Variants in PLCE1 observed in about 807,000 individuals in gnomAD.
PLCE1 encodes the protein phospholipase C epsilon 1.
In PLCE1, 119 loss-of-function variants were observed where a neutral mutation model predicts 242.8. The observed-to-expected ratio is 0.49, with a 90% confidence interval of 0.42 to 0.57. PLCE1 has a LOEUF of 0.57. Among genes scored for constraint, PLCE1 ranks in the 20% least tolerant of loss-of-function variants. PLCE1 has a pLI of 0.00. For synonymous variants in PLCE1, 945 were observed against 1,017.4 expected, an observed-to-expected ratio of 0.93 and a Z score of 1.35; for missense variants, 2,441 against 2,788.8, an observed-to-expected ratio of 0.88 and a Z score of 2.81.
chr10:94,128,012 T>C (rs1354844520), intron 2 of PLCE1, among the ~76,000 whole-genome samples: 1 of 142,912 alleles, frequency 7.0e-6, no homozygotes, highest in East Asian at 2.0e-4. Context: ...TTTTTGAGAC[T>C]GAGTCTCACT....
intron 3 of PLCE1, among the ~76,000 whole-genome samples, chr10:94,141,715 G>C (rs1275046064): frequency 7.1e-6 from 1 of 140,630 alleles, no homozygotes; most frequent in Non-Finnish European, 1.5e-5. Context: ...GGGAGGGAGG[G>C]AGGGGAAGGA....
chr10:94,031,975 TAGA>T lies in PLCE1; in HGVS notation c.936_938del (p.Glu312del). 1 of 1,613,786 alleles carries T rather than the reference TAGA, an allele frequency of 6.2e-7. No individual in the cohort carries two copies. The highest frequency in any genetic ancestry group is 8.5e-7 in the Non-Finnish European group (1 of 1,179,766). The stretch of plus-strand genomic sequence containing the variant: ...GACTTCCCTGATAATTGTGATGATG[TAGA>T]AGAAGACGCTTTTAAAAGCAAAAAG... On this transcript the variant is annotated inframe_deletion, in exon 2 of 33. Coordinates refer to ENST00000371380, the MANE Select transcript of PLCE1 (RefSeq NM_016341.4).
chr10:94,318,585 G>A (rs552861824), intron 29 of PLCE1, among the ~76,000 whole-genome samples: 4 of 152,152 alleles, frequency 2.6e-5, no homozygotes, highest in African/African-American at 2.4e-5. Context: ...CCACCATCCT[G>A]TGCTACCCAA....
intron 8 of PLCE1, among the ~76,000 whole-genome samples, chr10:94,251,189 C>T (rs557170250): frequency 6.6e-6 from 1 of 152,202 alleles, no homozygotes; most frequent in East Asian, 1.9e-4. Context: ...TCATGGACAG[C>T]CATAAGTCAC....
chr10:94,159,202 T>G (rs995069221), intron 3 of PLCE1, among the ~76,000 whole-genome samples: 3 of 152,198 alleles, frequency 2.0e-5, no homozygotes, highest in Admixed American at 2.0e-4. Flanking sequence ...AGTACTGACT[T>G]AGAAGTAATA....
intron 26 of PLCE1, among the ~76,000 whole-genome samples, 191 bp from the exon 27 acceptor site, chr10:94,308,390 G>C (rs1162365693): frequency 1.3e-5 from 2 of 152,186 alleles, no homozygotes; most frequent in African/African-American, 4.8e-5. Context: ...AACAGTACTT[G>C]GACAAATTAA....
At chr10:94,189,209 A>G (rs1296045863) in intron 4 of PLCE1, among the ~76,000 whole-genome samples, 1 of 149,766 alleles carries the variant, frequency 6.7e-6, no homozygotes, top group East Asian at 1.9e-4. Flanking sequence ...CCAATTTTCC[A>G]AAACACACCA....
At chr10:94,000,489 A>G (rs557835798) in intron 1 of PLCE1, among the ~76,000 whole-genome samples, 5 of 152,376 alleles carry the variant, frequency 3.3e-5, no homozygotes, top group African/African-American at 1.2e-4. Context: ...TACATTGTCT[A>G]GAATAAGAAT....
chr10:94,106,422 T>C (rs1348094661), intron 2 of PLCE1, among the ~76,000 whole-genome samples: 3 of 152,240 alleles, frequency 2.0e-5, no homozygotes, highest in Non-Finnish European at 4.4e-5. Flanking sequence ...ATACACACCA[T>C]AATTTATTTT....
chr10:93,994,282 G>T (rs2060776063), intron 1 of PLCE1, among the ~76,000 whole-genome samples, 24 bp downstream of exon 1: 1 of 152,234 alleles, frequency 6.6e-6, no homozygotes, highest in African/African-American at 2.4e-5. Flanking sequence ...TCTGTAGCTC[G>T]GTTCCTGAGG....
intron 7 of PLCE1, among the ~76,000 whole-genome samples, chr10:94,245,358 A>AATAC (rs1297440887): frequency 1.3e-5 from 2 of 152,256 alleles, no homozygotes; most frequent in Non-Finnish European, 2.9e-5. Flanking sequence ...AAGGAAAACT[A>AATAC]ATACATAATA....
intron 2 of PLCE1, among the ~76,000 whole-genome samples, chr10:94,110,328 C>G (rs1170862398): frequency 3.3e-5 from 5 of 152,074 alleles, no homozygotes; most frequent in Admixed American, 3.3e-4. Context: ...TCCCAAAGTG[C>G]TGGGATTACA....
intron 18 of PLCE1, among the ~76,000 whole-genome samples, chr10:94,273,112 T>TGA (rs2051811150): frequency 6.6e-6 from 1 of 152,210 alleles, no homozygotes; most frequent in South Asian, 2.1e-4. Context: ...AAAATCTTTG[T>TGA]GAGAATTGTG....
At chr10:94,310,137 T>G (rs982023334) in intron 27 of PLCE1, among the ~76,000 whole-genome samples, 4 of 152,268 alleles carry the variant, frequency 2.6e-5, no homozygotes, top group Admixed American at 1.3e-4. Context: ...TTTACATGTT[T>G]AATAATGTGA....
intron 4 of PLCE1, among the ~76,000 whole-genome samples, chr10:94,178,241 A>C (rs2048185357): frequency 6.6e-6 from 1 of 152,056 alleles, no homozygotes; most frequent in African/African-American, 2.4e-5. Context: ...ATGTCCTAAG[A>C]GGGCAGTTTT....
intron 32 of PLCE1, among the ~76,000 whole-genome samples, chr10:94,326,783 A>G (rs961696244): frequency 1.3e-5 from 2 of 152,200 alleles, no homozygotes; most frequent in African/African-American, 4.8e-5. Context: ...TTTCTGACCA[A>G]TGGATTCACA....
chr10:94,217,723 G>A (rs2049579153), intron 4 of PLCE1, among the ~76,000 whole-genome samples: 1 of 152,174 alleles, frequency 6.6e-6, no homozygotes, highest in Admixed American at 6.5e-5. Context: ...TAACTCTAGT[G>A]AACTTAGAAC....
chr10:94,076,821 T>C (rs2044517130), intron 2 of PLCE1, among the ~76,000 whole-genome samples: 1 of 152,202 alleles, frequency 6.6e-6, no homozygotes, highest in Non-Finnish European at 1.5e-5. Flanking sequence ...TTTCCTATCC[T>C]GACCACACAT....
chr10:94,313,335 G>C lies in PLCE1; in HGVS notation c.6085G>C (p.Val2029Leu). 6.2e-7 allele frequency: 1 copy of C among 1,614,156 alleles called. No individual in the cohort carries two copies. Among genetic ancestry groups the C allele is most frequent in the South Asian group, 1.1e-5 (1 of 91,082 alleles). ...GGTCCCAGGGCCAGAGCCCTTTACC[G>C]TTTTCACTATTAATGGAGGCACCAA... ...HGVPGPEPFT[V>L]FTINGGTKAK... The change falls in exon 28 of 33, where the codon GTT becomes CTT. Residue 2029 changes from valine (V) to leucine (L), a missense_variant. This residue lies in a region of PLCE1 where 1,004 missense variants were observed against 1,322.7 expected (regional missense o/e 0.76). Transcript: ENST00000371380.
Sources: allele counts gnomAD v4.1 joint callset (sites outside exome capture counted in the v4.1 genomes callset), GRCh38; gene constraint gnomAD v4.1.1; regional missense constraint gnomAD v4.1.1; transcripts MANE v1.5; gene names NCBI Gene and HGNC (gene_info 2026-07-23, HGNC 2026-07-21).